Variants in LOC101059915 observed in about 807,000 individuals in gnomAD.
the LOC101059915 span, chrX:71,667,712 T>G: frequency 6.6e-6 from 6 of 912,631 alleles, no homozygotes; most frequent in Non-Finnish European, 6.9e-6. Context: ...AGTGGCCCCC[T>G]CGGCTGGGCT....
chrX:71,668,107 T>A, the LOC101059915 span: 4 of 1,139,955 alleles, frequency 3.5e-6, no homozygotes, highest in Admixed American at 1.1e-4. Flanking sequence ...TGGGGACTAC[T>A]CTTTCTACCT....
the LOC101059915 span, chrX:71,668,154 C>A: frequency 8.8e-7 from 1 of 1,134,522 alleles, no homozygotes; most frequent in Non-Finnish European, 1.2e-6. Flanking sequence ...CGCCGTCCAG[C>A]GTCCAGGGAC....
chrX:71,668,352 G>T, the LOC101059915 span: 1 of 1,141,757 alleles, frequency 8.8e-7, no homozygotes, highest in Non-Finnish European at 1.2e-6. Flanking sequence ...GGGGCTCGAA[G>T]AGCAGATTGA....
chrX:71,670,451 G>A, the LOC101059915 span: 3 of 1,108,859 alleles, frequency 2.7e-6, no homozygotes, highest in African/African-American at 5.5e-5. Flanking sequence ...ACCCCATGCA[G>A]AGTGAGTGCC....
chrX:71,671,195 T>C, the LOC101059915 span: 2 of 1,165,373 alleles, frequency 1.7e-6, no homozygotes, highest in South Asian at 1.9e-5. Context: ...CAGTTCTGTC[T>C]CTCTGTTTCA....
the LOC101059915 span, chrX:71,668,987 C>A: frequency 8.6e-7 from 1 of 1,164,760 alleles, no homozygotes; most frequent in East Asian, 3.3e-5. Flanking sequence ...GAGTCCCAGG[C>A]TGCGGCCAGA....
At chrX:71,668,377 C>T in the LOC101059915 span, 1 of 1,145,900 alleles carries the variant, frequency 8.7e-7, no homozygotes, top group Non-Finnish European at 1.2e-6. Context: ...CCAAGTGGAT[C>T]CCCAGCAGCC....
the LOC101059915 span, among the ~76,000 whole-genome samples, chrX:71,670,048 A>G: frequency 1.1e-3 from 124 of 112,409 alleles, 1 homozygote; most frequent in Middle Eastern, 4.6e-3. Context: ...CTGGAGTCCA[A>G]CCTGGAGTCA....
At chrX:71,669,120 C>T in the LOC101059915 span, 48 of 1,063,387 alleles carry the variant, frequency 4.5e-5, no homozygotes, top group Non-Finnish European at 5.7e-5. Flanking sequence ...CCCCCACCCA[C>T]CTCTCTTCCA....
chrX:71,667,926 C>G, the LOC101059915 span: 1 of 1,141,988 alleles, frequency 8.8e-7, no homozygotes, highest in South Asian at 2.1e-5. Context: ...GCCGAGACCT[C>G]AATTTTGGGG....
the LOC101059915 span, chrX:71,671,160 T>C: frequency 8.6e-7 from 1 of 1,163,825 alleles, no homozygotes; most frequent in Non-Finnish European, 1.1e-6. Flanking sequence ...GGCGTGGGTT[T>C]CTGTTTCCCT....
the LOC101059915 span, chrX:71,669,858 C>G: frequency 9.9e-6 from 6 of 608,063 alleles, no homozygotes; most frequent in Non-Finnish European, 1.4e-5. Context: ...GGGGTGTCGA[C>G]AGGGCTGGCT....
chrX:71,667,889 C>T, the LOC101059915 span: 17 of 1,112,990 alleles, frequency 1.5e-5, no homozygotes, highest in Non-Finnish European at 1.9e-5. Context: ...ACCGCCAGCC[C>T]GGGAGCCCCA....
chrX:71,667,921 G>C, the LOC101059915 span: 3 of 1,139,971 alleles, frequency 2.6e-6, no homozygotes, highest in Non-Finnish European at 2.3e-6. Flanking sequence ...CCACGGCCGA[G>C]ACCTCAATTT....
chrX:71,668,233 A>G, the LOC101059915 span: 1 of 1,120,102 alleles, frequency 8.9e-7, no homozygotes, highest in Non-Finnish European at 1.2e-6. Context: ...GGTCGGTCCC[A>G]GTTGGAGAGG....
chrX:71,668,341 AG>A, the LOC101059915 span: 1 of 1,137,138 alleles, frequency 8.8e-7, no homozygotes, highest in Non-Finnish European at 1.2e-6. Context: ...GAACCCAGAA[AG>A]GGGCTCGAAG....
the LOC101059915 span, chrX:71,671,211 C>G: frequency 8.6e-7 from 1 of 1,165,445 alleles, no homozygotes; most frequent in Non-Finnish European, 1.1e-6. Context: ...TTTCAGCTGC[C>G]ATGCAGTTCC....
chrX:71,668,866 C>A, the LOC101059915 span: 4 of 1,099,056 alleles, frequency 3.6e-6, no homozygotes, highest in South Asian at 9.5e-5. Flanking sequence ...TCCACCTGAT[C>A]CGGCTAGCTT....
the LOC101059915 span, chrX:71,671,237 A>G: frequency 1.9e-5 from 22 of 1,163,360 alleles, no homozygotes; most frequent in Non-Finnish European, 1.3e-5. Flanking sequence ...GACAAGTTCC[A>G]GGACCTGTGA....
Sources: allele counts gnomAD v4.1 joint callset (sites outside exome capture counted in the v4.1 genomes callset), GRCh38; gene constraint gnomAD v4.1.1; transcripts MANE v1.5.